HIPK1: variants seen among roughly 807,000 people sequenced by gnomAD.
HIPK1 encodes the protein homeodomain-interacting protein kinase 1.
HIPK1 carries 28 observed loss-of-function variants against 117.1 expected under a neutral mutation model. The observed-to-expected ratio is 0.24, with a 90% CI of 0.18 to 0.33. HIPK1 has a LOEUF of 0.33. Ranked by LOEUF, HIPK1 falls within the 10% of genes least tolerant of loss-of-function variation. The pLI, the probability that HIPK1 is intolerant of heterozygous loss-of-function variation, is 1.00. For synonymous variants in HIPK1, 605 were observed against 562.5 expected (o/e 1.08, Z -1.07); for missense variants, 1,122 against 1,475.1 (o/e 0.76, Z 3.92).
chr1:113,962,104 A>G (rs538830322), intron 8 of HIPK1, among the ~76,000 whole-genome samples: 13 of 152,264 alleles, frequency 8.5e-5, no homozygotes, highest in South Asian at 6.2e-4. Context: ...ATCCCTCACT[A>G]TATCAAACAT....
chr1:113,933,058 G>C, intron 1 of HIPK1: 3 of 285,524 alleles, frequency 1.1e-5, no homozygotes, highest in Non-Finnish European at 1.6e-5. Context: ...TAGACCTATA[G>C]ACTGTTATGT....
At position 113,970,033 on chromosome 1, in the gene HIPK1, G is replaced by T; in HGVS notation, c.2849G>T (p.Ser950Ile). 1 of 1,614,174 alleles carries T rather than the reference G, an allele frequency of 6.2e-7. No homozygotes were observed. The highest frequency in any genetic ancestry group is 1.7e-5 in the Admixed American group (1 of 60,028). Residue 950 changes from serine (S) to isoleucine (I), a missense_variant, in exon 14 of 16, where the codon AGC (serine) becomes ATC (isoleucine). By Grantham distance (142) the Ser-to-Ile change is moderately radical. Around this residue, in one of 6 missense-constraint regions of HIPK1, gnomAD observed 731 missense variants for 860.4 expected, o/e 0.85. Coordinates refer to ENST00000426820, the MANE Select transcript of HIPK1 (RefSeq NM_198268.3). ...NDSPDSDSSL[S>I]SPYSTDTLSA... ...TCTCCAGACTCTGACTCTTCTTTGAGCAGCCCTTATTCCACTGATACCCTG... is the reference window on the plus strand; with the variant it reads ...TCTCCAGACTCTGACTCTTCTTTGATCAGCCCTTATTCCACTGATACCCTG...
intron 1 of HIPK1, among the ~76,000 whole-genome samples, chr1:113,935,562 A>C (rs1381058213): frequency 1.3e-5 from 2 of 152,212 alleles, no homozygotes; most frequent in African/African-American, 4.8e-5. Flanking sequence ...TGCTGGATCT[A>C]ATGGTAATTC....
At chr1:113,966,367 A>G in intron 11 of HIPK1, 95 bp downstream of exon 11, 2 of 1,220,024 alleles carry the variant, frequency 1.6e-6, no homozygotes, top group Non-Finnish European at 2.2e-6. Flanking sequence ...AAGAAAATAA[A>G]GGAAAATTTG....
chr1:113,955,650 G>GT lies in HIPK1; in HGVS notation c.1407+2dup. 2 of 1,561,418 alleles carry GT rather than the reference G, an allele frequency of 1.3e-6. No homozygotes were observed. The highest frequency in any genetic ancestry group is 1.8e-6 in the Non-Finnish European group (2 of 1,136,866). On this transcript the variant is annotated splice_donor_variant, in intron 5 of 15. Transcript: ENST00000426820. LOFTEE classifies it high-confidence loss of function. ...TAATTGCTTAGATGACATGGCTCAG[G>GT]TGAGTACGGAAAGTTTCAGAAAGTC...
chr1:113,951,981 T>C (rs2101287762), intron 2 of HIPK1, among the ~76,000 whole-genome samples: 1 of 137,792 alleles, frequency 7.3e-6, no homozygotes, highest in South Asian at 2.4e-4. Context: ...TTGGGTCTCC[T>C]AGGCTGGAGT....
chr1:113,929,976 A>G lies in HIPK1; in HGVS notation c.-3+444A>G, dbSNP rs1050898528. On this transcript the variant is annotated intron_variant, in intron 1 of 15. Transcript: ENST00000426820. ...CGGGCAGGAGGGGTCCTCGGCGGGGAGCGACTTCCCCTCAGCTCCCTGAGG... is the reference window on the plus strand; with the variant it reads ...CGGGCAGGAGGGGTCCTCGGCGGGGGGCGACTTCCCCTCAGCTCCCTGAGG... 57 of 984,840 alleles carry G rather than the reference A, an allele frequency of 5.8e-5. 1 individual carries two copies. The highest frequency in any genetic ancestry group is 6.7e-5 in the Non-Finnish European group (56 of 829,820). 61.0% of individuals were successfully genotyped at this position (984,840 alleles called of 1,614,324 possible).
rs547909302 is a variant in HIPK1 at position 113,972,914 on chromosome 1, T to A, written c.3145-110T>A. The A allele has an allele frequency of 3.3e-6, 4 of 1,207,630 alleles. No individual in the cohort carries two copies. In the Admixed American group the frequency reaches 7.5e-5, roughly 23 times the overall value. The allele number at this position is 1,207,630 out of a possible 1,614,324, so 74.8% of individuals were successfully genotyped here. On this transcript the variant is annotated intron_variant, in intron 15 of 15. Transcript: ENST00000426820. Reference sequence around the variant, plus strand: ...AATGCCAGTGTGGGAGATTATGTGCTATACCCATTCGAAAACAGTACAAGT... The same window carrying A: ...AATGCCAGTGTGGGAGATTATGTGCAATACCCATTCGAAAACAGTACAAGT...
chr1:113,956,363 G>A (rs994685934), intron 5 of HIPK1, among the ~76,000 whole-genome samples: 2 of 152,088 alleles, frequency 1.3e-5, no homozygotes, highest in Non-Finnish European at 2.9e-5. Context: ...ACAGGCATGA[G>A]CCACCGCGCC....
rs1673131997 is a variant in HIPK1, at chr1:113,976,300, A to G, written c.*2788A>G. On this transcript the variant is annotated 3_prime_UTR_variant, in exon 16 of 16. Transcript: ENST00000426820. ...CTAGTGTCATACAGTTTTCTGGTCA[A>G]CATGTGTGATCTTTGTGTCTCCTTT... is the stretch of plus-strand genomic sequence containing the variant. The G allele has an allele frequency of 6.6e-6, 1 of 152,382 alleles. No individual in the cohort carries two copies. The highest frequency in any genetic ancestry group is 6.5e-5 in the Admixed American group (1 of 15,284). The allele number at this position is 152,382 out of a possible 1,614,324, so 9.4% of individuals were successfully genotyped here.
At chr1:113,931,190 A>G (rs151071216) in intron 1 of HIPK1, among the ~76,000 whole-genome samples, 9 of 144,042 alleles carry the variant, frequency 6.2e-5, no homozygotes, top group African/African-American at 2.3e-4. Context: ...TTTTTGTAAG[A>G]TTATAGAGAA....
intron 2 of HIPK1, among the ~76,000 whole-genome samples, chr1:113,946,702 G>A (rs1056053821): frequency 8.5e-5 from 13 of 152,252 alleles, no homozygotes; most frequent in Non-Finnish European, 1.8e-4. Context: ...CTGCAATATA[G>A]TTGTTGACTA....
chr1:113,958,637 A>T (rs1237746308), intron 8 of HIPK1, among the ~76,000 whole-genome samples: 1 of 152,178 alleles, frequency 6.6e-6, no homozygotes, highest in East Asian at 1.9e-4. Flanking sequence ...AATTTGTTGT[A>T]AGCAGAATTG....
intron 1 of HIPK1, 92 bp from the exon 2 acceptor site, chr1:113,940,290 A>G (rs1263311576): frequency 6.1e-6 from 7 of 1,140,348 alleles, no homozygotes; most frequent in Non-Finnish European, 8.8e-6. Context: ...TTCTTTTATC[A>G]AGTAAAAGTG....
In HIPK1 at chr1:113,967,851, C is replaced by G. The variant is rs1157209713; in HGVS notation, c.2467C>G (p.Gln823Glu). The change falls in exon 12 of 16, where the codon CAG (glutamine) becomes GAG (glutamate). Residue 823 changes from glutamine (Q) to glutamate (E), a missense_variant. By Grantham distance (29) the Gln-to-Glu change is conservative. Transcript: ENST00000426820. ...TAACCATGTGACATTGGCCACTGCT[C>G]AGCCTCTGAATGTTGGTGTTGCCCA... ...LTNHVTLATA[Q>E]PLNVGVAHVV... The G allele has an allele frequency of 1.2e-6, 2 of 1,612,822 alleles. No homozygotes were observed. Among genetic ancestry groups the G allele is most frequent in the East Asian group, 2.2e-5 (1 of 44,790 alleles).
At chr1:113,952,925 A>G in intron 3 of HIPK1, 36 bp downstream of exon 3, 1 of 1,436,654 alleles carries the variant, frequency 7.0e-7, no homozygotes, top group Non-Finnish European at 9.2e-7. Context: ...TAGAATGCAA[A>G]TAGTTACTTG....
chr1:113,940,534 G>T lies in HIPK1; in HGVS notation c.151G>T (p.Ala51Ser). 1 of 1,614,082 alleles carries T rather than the reference G, an allele frequency of 6.2e-7. No individual in the cohort carries two copies. Among genetic ancestry groups the T allele is most frequent in the Non-Finnish European group, 8.5e-7 (1 of 1,180,008 alleles). ...KYYTHSKTLP[A>S]TQGQANSSHQ... The stretch of plus-strand genomic sequence containing the variant: ...TTATACCCACAGCAAAACCCTCCCA[G>T]CCACACAAGGGCAAGCCAACTCCTC... The change falls in exon 2 of 16, where the codon GCC (alanine) becomes TCC (serine). Residue 51 changes from alanine to serine, a missense_variant. Around this residue, in one of 6 missense-constraint regions of HIPK1, gnomAD observed 192 missense variants for 234.0 expected, o/e 0.82. Coordinates refer to ENST00000426820, the MANE Select transcript of HIPK1 (RefSeq NM_198268.3).
chr1:113,952,041 C>T (rs777025678), intron 2 of HIPK1, among the ~76,000 whole-genome samples: 8 of 147,142 alleles, frequency 5.4e-5, no homozygotes, highest in Admixed American at 4.2e-4. Context: ...TGGGTTCAAG[C>T]GATTCTTTTG....
At chr1:113,932,975 C>T (rs141499310) in intron 1 of HIPK1, among the ~76,000 whole-genome samples, 1 of 152,300 alleles carries the variant, frequency 6.6e-6, no homozygotes, top group East Asian at 1.9e-4. Flanking sequence ...ATATTGATCT[C>T]TGCTTTGTTA....
Sources: gnomAD v4.1 joint callset for allele counts (sites outside exome capture counted in the v4.1 genomes callset) on GRCh38, gnomAD v4.1.1 for gene constraint, gnomAD v4.1.1 regional missense constraint, MANE v1.5 for transcripts, NCBI Gene and HGNC (gene_info 2026-07-23, HGNC 2026-07-21) for gene names.